The following KLF12 variants were observed in gnomAD, a reference collection of about 807,000 sequenced individuals.
KLF12 encodes Krueppel-like factor 12.
A neutral mutation model predicts 37.8 loss-of-function variants in KLF12; 9 were observed. That is an observed-to-expected ratio of 0.24 (90% CI 0.14 to 0.42). The LOEUF is 0.42. Among genes scored for constraint, KLF12 ranks in the 10% least tolerant of loss-of-function variants. The pLI, the probability that KLF12 is intolerant of heterozygous loss-of-function variation, is 1.00. For missense variants in KLF12, 411 were observed against 516.0 expected, an observed-to-expected ratio of 0.80 and a Z score of 1.97; for synonymous variants, 208 against 202.1, an observed-to-expected ratio of 1.03 and a Z score of -0.25.
At chr13:74,265,111 G>A in the KLF12 span, among the ~76,000 whole-genome samples, 2 of 152,042 alleles carry the variant, frequency 1.3e-5, no homozygotes, top group Admixed American at 6.6e-5. Flanking sequence ...TTTTTACTAA[G>A]GCCTTGAGAA....
intron 1 of KLF12, among the ~76,000 whole-genome samples, chr13:74,076,563 G>A (rs1224465657): frequency 1.3e-5 from 2 of 152,168 alleles, no homozygotes; most frequent in African/African-American, 2.4e-5. Context: ...ATTCATGAGA[G>A]GAGAAGCCCT....
At chr13:73,775,244 T>C (rs1261152595) in intron 5 of KLF12, among the ~76,000 whole-genome samples, 2 of 152,154 alleles carry the variant, frequency 1.3e-5, no homozygotes, top group Admixed American at 6.6e-5. Context: ...AAGTAAAAAC[T>C]GATTAATTCC....
the KLF12 span, among the ~76,000 whole-genome samples, chr13:74,262,608 T>C: frequency 5.9e-5 from 9 of 152,198 alleles, no homozygotes; most frequent in African/African-American, 2.2e-4. Context: ...ACTGTTATGC[T>C]GTATTGTTTA....
chr13:74,102,913 G>C (rs1027986074), intron 1 of KLF12, among the ~76,000 whole-genome samples: 4 of 152,218 alleles, frequency 2.6e-5, no homozygotes, highest in Non-Finnish European at 5.9e-5. Context: ...GACAGTTGTT[G>C]AAATCTAAGT....
At chr13:74,089,374 T>C (rs1232208327) in intron 1 of KLF12, among the ~76,000 whole-genome samples, 1 of 152,178 alleles carries the variant, frequency 6.6e-6, no homozygotes, top group Non-Finnish European at 1.5e-5. Context: ...GTGGTGACTC[T>C]TCATTCCTAG....
At chr13:74,208,291 C>CT in the KLF12 span, among the ~76,000 whole-genome samples, 1 of 152,166 alleles carries the variant, frequency 6.6e-6, no homozygotes, top group African/African-American at 2.4e-5. Flanking sequence ...AAGGAACTGA[C>CT]TTTCAAACCT....
At chr13:73,807,613 G>A (rs1171724137) in intron 5 of KLF12, among the ~76,000 whole-genome samples, 1 of 152,094 alleles carries the variant, frequency 6.6e-6, no homozygotes, top group South Asian at 2.1e-4. Context: ...AGTTATCAGG[G>A]ATGCTAACAT....
intron 3 of KLF12, among the ~76,000 whole-genome samples, chr13:73,879,357 C>CT (rs1886870715): frequency 1.3e-5 from 2 of 152,148 alleles, no homozygotes; most frequent in African/African-American, 2.4e-5. Flanking sequence ...GATAGTTGAA[C>CT]TTTTTTCTGC....
intron 3 of KLF12, among the ~76,000 whole-genome samples, chr13:73,883,983 G>A (rs1887100812): frequency 6.6e-6 from 1 of 152,106 alleles, no homozygotes. Flanking sequence ...CTGCCTTTCT[G>A]AGGTACCTTC....
chr13:74,202,912 C>T, the KLF12 span, among the ~76,000 whole-genome samples: 2 of 152,000 alleles, frequency 1.3e-5, no homozygotes, highest in Non-Finnish European at 2.9e-5. Context: ...TGGGTGGGTG[C>T]AGTAGGCAGC....
intron 3 of KLF12, among the ~76,000 whole-genome samples, chr13:73,874,635 G>C (rs895288904): frequency 6.6e-6 from 1 of 152,166 alleles, no homozygotes; most frequent in African/African-American, 2.4e-5. Flanking sequence ...ATATAGGCCT[G>C]AAGATCACAC....
chr13:73,735,191 G>A lies in KLF12; in HGVS notation c.870-19666C>T, dbSNP rs921138735. Among the ~76,000 whole-genome samples the A allele has an allele frequency of 5.9e-5, 9 of 151,780 alleles. 1 individual carries two copies. Among genetic ancestry groups the A allele is most frequent in the Admixed American group, 4.6e-4 (7 of 15,218 alleles). The stretch of plus-strand genomic sequence containing the variant: ...ACATGCCTGTGGTCCCAGTAACTTG[G>A]GAGGCTGAAGCAGGAAGGTCGTTTG... On this transcript the variant is annotated intron_variant, in intron 6 of 7. Transcript: ENST00000377669.
rs942881828 is a variant in KLF12 at position 73,689,464 on chromosome 13, G to T, written c.*6026C>A. On this transcript the variant is annotated 3_prime_UTR_variant, in exon 8 of 8. Coordinates refer to ENST00000377669, the MANE Select transcript of KLF12 (RefSeq NM_007249.5). ...GGTGAATTTGTGCTCTGAGATGGCA[G>T]GGTTGGAGAATTTCCAGGGTTCATG... 2 of 152,152 alleles carry T rather than the reference G, an allele frequency of 1.3e-5. No homozygotes were observed. The highest frequency in any genetic ancestry group is 1.3e-4 in the Admixed American group (2 of 15,278). The allele number at this position is 152,152 out of a possible 1,614,324, so 9.4% of individuals were successfully genotyped here.
chr13:74,020,521 C>T (rs1892815131), intron 1 of KLF12, among the ~76,000 whole-genome samples: 1 of 152,088 alleles, frequency 6.6e-6, no homozygotes, highest in South Asian at 2.1e-4. Context: ...ACCCAAGACA[C>T]ATGTTTTCTG....
chr13:74,220,223 A>T, the KLF12 span, among the ~76,000 whole-genome samples: 1 of 152,192 alleles, frequency 6.6e-6, no homozygotes, highest in African/African-American at 2.4e-5. Flanking sequence ...AATTTTGATT[A>T]TAGTATAGAA....
At chr13:73,697,088 A>AAC (rs10679066) in intron 7 of KLF12, among the ~76,000 whole-genome samples, 43,926 of 149,470 alleles carry the variant, frequency 0.29, 7,119 homozygotes, top group African/African-American at 0.44. Context: ...ATACAACTGC[A>AAC]ACACACACAC....
At chr13:74,164,085 T>C in the KLF12 span, among the ~76,000 whole-genome samples, 1 of 152,146 alleles carries the variant, frequency 6.6e-6, no homozygotes, top group Non-Finnish European at 1.5e-5. Flanking sequence ...ACAGTTTCTA[T>C]GTTTCCATTT....
At chr13:73,945,980 T>C (rs1278519706) in intron 2 of KLF12, among the ~76,000 whole-genome samples, 1 of 152,128 alleles carries the variant, frequency 6.6e-6, no homozygotes, top group Non-Finnish European at 1.5e-5. Context: ...AATCCTAATG[T>C]GTCACTGGCT....
chr13:74,140,852 G>A, the KLF12 span, among the ~76,000 whole-genome samples: 2 of 152,120 alleles, frequency 1.3e-5, no homozygotes, highest in African/African-American at 4.8e-5. Context: ...AGGAGATCGA[G>A]ACCATCCTGG....
Sources: gnomAD v4.1 joint callset for allele counts (sites outside exome capture counted in the v4.1 genomes callset) on GRCh38, gnomAD v4.1.1 for gene constraint, MANE v1.5 for transcripts, NCBI Gene and HGNC (gene_info 2026-07-23, HGNC 2026-07-21) for gene names.